Variants in SGCZ observed in about 807,000 individuals in gnomAD.
The protein encoded by SGCZ is zeta-sarcoglycan.
SGCZ carries 40 observed loss-of-function variants against 41.3 expected under a neutral mutation model. The observed-to-expected ratio is 0.97, with a 90% confidence interval of 0.75 to 1.26. SGCZ has a LOEUF of 1.26. SGCZ is among the 50% of genes most tolerant of loss of function. The probability of loss-of-function intolerance (pLI) is 0.00; values close to 1 mark genes in which losing one functional copy is unlikely to be tolerated. For missense variants in SGCZ, 552 were observed against 369.8 expected, an observed-to-expected ratio of 1.49 and a Z score of -4.04; for synonymous variants, 206 against 137.5, an observed-to-expected ratio of 1.50 and a Z score of -3.49.
At chr8:14,753,953 TA>T (rs1377225721) in intron 1 of SGCZ, among the ~76,000 whole-genome samples, 3 of 152,210 alleles carry the variant, frequency 2.0e-5, no homozygotes, top group African/African-American at 7.2e-5. Flanking sequence ...CATTCTGCTT[TA>T]GTCTTTAAAT....
chr8:14,911,652 T>C (rs796841033), intron 1 of SGCZ, among the ~76,000 whole-genome samples: 3 of 152,110 alleles, frequency 2.0e-5, no homozygotes, highest in African/African-American at 7.2e-5. Flanking sequence ...TACTAATTAA[T>C]GAAGTAATTT....
In SGCZ at chr8:14,877,508, G is replaced by C. The variant is rs147693799; in HGVS notation, c.40-322582C>G. 1.9e-3 allele frequency among the ~76,000 whole-genome samples: 294 copies of C among 152,010 alleles called. 1 individual carries two copies. Among genetic ancestry groups the C allele is most frequent in the African/African-American group, 6.6e-3 (274 of 41,476 alleles). ...TTATTTCCAGGCAGGCATTTGATTT[G>C]TATTCCATCATATGCTACATGTTTT... is the stretch of plus-strand genomic sequence containing the variant. On this transcript the variant is annotated intron_variant, in intron 1 of 7. Coordinates refer to ENST00000382080, the MANE Select transcript of SGCZ (RefSeq NM_139167.4).
intron 2 of SGCZ, among the ~76,000 whole-genome samples, chr8:14,379,902 T>C (rs1419910602): frequency 6.6e-6 from 1 of 152,066 alleles, no homozygotes; most frequent in Non-Finnish European, 1.5e-5. Flanking sequence ...CGCCTACTTT[T>C]TGTATTTTTA....
At chr8:14,156,995 A>T (rs959502168) in intron 5 of SGCZ, among the ~76,000 whole-genome samples, 2 of 152,316 alleles carry the variant, frequency 1.3e-5, no homozygotes, top group Middle Eastern at 3.4e-3. Context: ...ATACTATAGT[A>T]AATACATAAA....
intron 3 of SGCZ, among the ~76,000 whole-genome samples, chr8:14,254,167 G>C (rs1246408667): frequency 6.6e-6 from 1 of 152,006 alleles, no homozygotes; most frequent in African/African-American, 2.4e-5. Context: ...CTTATAATCA[G>C]CTTGTTCCTA....
At chr8:14,460,799 C>A (rs940291587) in intron 2 of SGCZ, among the ~76,000 whole-genome samples, 16 of 151,992 alleles carry the variant, frequency 1.1e-4, no homozygotes, top group African/African-American at 3.6e-4. Context: ...AGTTGGGAGT[C>A]TAAAATTTGT....
chr8:14,405,337 T>C (rs11998565), intron 2 of SGCZ, among the ~76,000 whole-genome samples: 23,843 of 150,562 alleles, frequency 0.16, 4,300 homozygotes, highest in African/African-American at 0.44. Context: ...GATTACTTTA[T>C]GTATCTTCCC....
intron 1 of SGCZ, among the ~76,000 whole-genome samples, chr8:15,129,133 A>G (rs1807808824): frequency 6.6e-6 from 1 of 151,998 alleles, no homozygotes; most frequent in Non-Finnish European, 1.5e-5. Flanking sequence ...TTTCAGTCCA[A>G]ATTTCCTTTT....
intron 2 of SGCZ, among the ~76,000 whole-genome samples, chr8:14,334,963 G>C (rs1388230536): frequency 1.3e-5 from 2 of 152,188 alleles, no homozygotes; most frequent in Non-Finnish European, 2.9e-5. Flanking sequence ...AGATTAAACT[G>C]CTGATCTTAA....
At chr8:15,105,547 G>A (rs550136020) in intron 1 of SGCZ, among the ~76,000 whole-genome samples, 1 of 152,042 alleles carries the variant, frequency 6.6e-6, no homozygotes, top group African/African-American at 2.4e-5. Flanking sequence ...TAAACACGCA[G>A]ATCTTGTCAG....
At chr8:14,958,682 C>G (rs565285896) in intron 1 of SGCZ, among the ~76,000 whole-genome samples, 10 of 152,008 alleles carry the variant, frequency 6.6e-5, no homozygotes, top group African/African-American at 1.9e-4. Context: ...AAAATTTACA[C>G]TTTAGATTTG....
intron 2 of SGCZ, among the ~76,000 whole-genome samples, chr8:14,503,834 T>C (rs1290248215): frequency 6.6e-6 from 1 of 152,164 alleles, no homozygotes; most frequent in East Asian, 1.9e-4. Context: ...AATTTAAAAA[T>C]ACATTATTTC....
At chr8:14,214,934 C>A (rs978787283) in intron 4 of SGCZ, among the ~76,000 whole-genome samples, 1 of 152,078 alleles carries the variant, frequency 6.6e-6, no homozygotes, top group African/African-American at 2.4e-5. Flanking sequence ...TACTTCAATA[C>A]CACACTTGCA....
At chr8:14,443,317 G>C (rs561532319) in intron 2 of SGCZ, among the ~76,000 whole-genome samples, 1 of 152,040 alleles carries the variant, frequency 6.6e-6, no homozygotes, top group Non-Finnish European at 1.5e-5. Flanking sequence ...CGACTTTAAA[G>C]TTCATATGGA....
intron 2 of SGCZ, among the ~76,000 whole-genome samples, chr8:14,347,725 GT>G (rs1449358928): frequency 1.3e-5 from 2 of 151,760 alleles, no homozygotes; most frequent in Non-Finnish European, 2.9e-5. Context: ...CTTACCATAT[GT>G]CACGTATGTA....
chr8:14,748,491 A>G (rs2130307859), intron 1 of SGCZ, among the ~76,000 whole-genome samples: 1 of 152,254 alleles, frequency 6.6e-6, no homozygotes, highest in South Asian at 2.1e-4. Context: ...ATGCTTATTT[A>G]CTGTGACACC....
At chr8:15,056,143 A>G (rs1359055739) in intron 1 of SGCZ, among the ~76,000 whole-genome samples, 1 of 152,006 alleles carries the variant, frequency 6.6e-6, no homozygotes, top group Non-Finnish European at 1.5e-5. Context: ...CCAGCCCCTT[A>G]CTCCCAGGCT....
At chr8:14,325,476 A>T (rs1327282491) in intron 2 of SGCZ, among the ~76,000 whole-genome samples, 1 of 148,278 alleles carries the variant, frequency 6.7e-6, no homozygotes, top group East Asian at 2.0e-4. Context: ...TATATATATA[A>T]AATCATATAT....
At chr8:14,368,393 A>G (rs1346746587) in intron 2 of SGCZ, among the ~76,000 whole-genome samples, 1 of 152,074 alleles carries the variant, frequency 6.6e-6, no homozygotes, top group Non-Finnish European at 1.5e-5. Context: ...GGCATACATT[A>G]TCCGTTAGAT....
Sources: gnomAD v4.1 joint callset for allele counts (sites outside exome capture counted in the v4.1 genomes callset) on GRCh38, gnomAD v4.1.1 for gene constraint, MANE v1.5 for transcripts, NCBI Gene and HGNC (gene_info 2026-07-23, HGNC 2026-07-21) for gene names.